Variants in TMEM229B observed in about 807,000 individuals in gnomAD.
TMEM229B encodes the protein chromosome 14 open reading frame 83.
A neutral mutation model predicts 13.7 loss-of-function variants in TMEM229B; 6 were observed. The observed-to-expected ratio is 0.44, with a 90% confidence interval of 0.24 to 0.86. The LOEUF (loss-of-function observed/expected upper bound fraction) is 0.86, where lower values mean the gene tolerates loss of function less well. Among genes scored for constraint, TMEM229B ranks in the 40% least tolerant of loss-of-function variants. The pLI, the probability that TMEM229B is intolerant of heterozygous loss-of-function variation, is 0.23. For synonymous variants in TMEM229B, 107 were observed against 102.1 expected (o/e 1.05, Z -0.29); for missense variants, 170 against 236.0 (o/e 0.72, Z 1.83).
At chr14:67,489,031 G>C (rs144806667), upstream of TMEM229B, among the ~76,000 whole-genome samples, 654 of 152,232 alleles carry the variant, frequency 4.3e-3, 5 homozygotes, top group African/African-American at 0.015. Flanking sequence ...CAGGGGACAG[G>C]GGACATGAGG....
chr14:67,511,252 T>C (rs2033014611), intron 1 of TMEM229B, among the ~76,000 whole-genome samples: 2 of 152,268 alleles, frequency 1.3e-5, no homozygotes, highest in African/African-American at 2.4e-5. Context: ...TGAGGGGCTT[T>C]TGGAAAGCAA....
upstream of TMEM229B, among the ~76,000 whole-genome samples, chr14:67,489,198 A>G (rs1030840568): frequency 6.6e-6 from 1 of 152,152 alleles, no homozygotes; most frequent in Admixed American, 6.5e-5. Context: ...GGTCACCTCT[A>G]TTTTAGAAAT....
intron 2 of TMEM229B, among the ~76,000 whole-genome samples, chr14:67,483,422 G>T (rs1194619877): frequency 1.3e-5 from 2 of 152,208 alleles, no homozygotes; most frequent in African/African-American, 2.4e-5. Flanking sequence ...GAGGCTGACT[G>T]CAGGCTCCTC....
At chr14:67,492,694 G>A (rs922894261), upstream of TMEM229B, among the ~76,000 whole-genome samples, 4 of 152,218 alleles carry the variant, frequency 2.6e-5, no homozygotes, top group Non-Finnish European at 5.9e-5. Flanking sequence ...TTCACAGCCT[G>A]TACAGCCAAG....
At chr14:67,518,530 C>T (rs996915259), upstream of TMEM229B, among the ~76,000 whole-genome samples, 1 of 152,234 alleles carries the variant, frequency 6.6e-6, no homozygotes, top group Admixed American at 6.5e-5. Context: ...TGGTAGTTCT[C>T]TTCACATCTC....
At chr14:67,489,840 A>G (rs569757072), upstream of TMEM229B, among the ~76,000 whole-genome samples, 76 of 152,246 alleles carry the variant, frequency 5.0e-4, no homozygotes, top group African/African-American at 1.8e-3. Flanking sequence ...AGCACAAAAA[A>G]TTAGCCAGGT....
Position 67,470,641 on chromosome 14 carries a change from C to G in TMEM229B, c.*2779G>C, listed in dbSNP as rs1040142132. On this transcript the variant is annotated 3_prime_UTR_variant, in exon 3 of 3. Transcript: ENST00000554480. ...CAGGAGACCCACGCAGAGTGAGGGACCAGGACAAAAGGGCTTCATGGGGAC... is the reference window on the plus strand; with the variant it reads ...CAGGAGACCCACGCAGAGTGAGGGAGCAGGACAAAAGGGCTTCATGGGGAC... 4 of 152,848 alleles carry G rather than the reference C, an allele frequency of 2.6e-5. No homozygotes were observed. The highest frequency in any genetic ancestry group is 9.7e-5 in the African/African-American group (4 of 41,434). 9.5% of individuals were successfully genotyped at this position (152,848 alleles called of 1,614,324 possible).
chr14:67,512,250 C>T (rs986929106), intron 1 of TMEM229B, among the ~76,000 whole-genome samples: 1 of 152,166 alleles, frequency 6.6e-6, no homozygotes, highest in Non-Finnish European at 1.5e-5. Flanking sequence ...AAAAGTGCCC[C>T]CCTCCTACCC....
chr14:67,518,538 C>T (rs1448001634), upstream of TMEM229B, among the ~76,000 whole-genome samples: 1 of 152,222 alleles, frequency 6.6e-6, no homozygotes, highest in Non-Finnish European at 1.5e-5. Flanking sequence ...CTCTTCACAT[C>T]TCTCTTCCAC....
intron 2 of TMEM229B, among the ~76,000 whole-genome samples, chr14:67,478,255 A>C (rs968387667): frequency 6.6e-6 from 1 of 152,158 alleles, no homozygotes; most frequent in African/African-American, 2.4e-5. Flanking sequence ...CTAGCTGTAC[A>C]AGTGTGGTTC....
upstream of TMEM229B, among the ~76,000 whole-genome samples, chr14:67,490,730 C>T (rs115177076): frequency 2.0e-3 from 311 of 152,302 alleles, 2 homozygotes; most frequent in Middle Eastern, 0.01. Context: ...TGGAACCTAA[C>T]ACTGGAGCCA....
intron 1 of TMEM229B, among the ~76,000 whole-genome samples, chr14:67,510,018 T>A (rs1199907121): frequency 2.1e-5 from 2 of 93,582 alleles, no homozygotes; most frequent in African/African-American, 2.9e-5. Flanking sequence ...TCTAAAAAAA[T>A]TTTTTTATTA....
chr14:67,527,447 A>G (rs2033385194), intron 1 of TMEM229B, among the ~76,000 whole-genome samples: 1 of 152,250 alleles, frequency 6.6e-6, no homozygotes, highest in African/African-American at 2.4e-5. Flanking sequence ...TCAAAAAAAA[A>G]GATGATTCCT....
At chr14:67,493,872 G>C (rs1055385335) in intron 1 of TMEM229B, among the ~76,000 whole-genome samples, 1 of 152,028 alleles carries the variant, frequency 6.6e-6, no homozygotes, top group Non-Finnish European at 1.5e-5. Flanking sequence ...GCTCACACAT[G>C]TAATAAACTT....
rs531795314 is a variant in TMEM229B at position 67,499,183 on chromosome 14, T to C, written c.-191-12011A>G. ...ACACCCAGGTAATTTCTTAATTTTT[T>C]TGTAGATATGGGGTCCTGCTATGTT... On this transcript the variant is annotated intron_variant, in intron 1 of 2. Transcript: ENST00000357461. Among the ~76,000 whole-genome samples, 5 of 152,026 alleles carry C rather than the reference T, an allele frequency of 3.3e-5. No individual in the cohort carries two copies. In the East Asian group the frequency reaches 7.7e-4, roughly 24 times the overall value.
At chr14:67,478,962 A>C (rs1220750723) in intron 2 of TMEM229B, among the ~76,000 whole-genome samples, 1 of 152,230 alleles carries the variant, frequency 6.6e-6, no homozygotes, top group Non-Finnish European at 1.5e-5. Context: ...GATTCTGCAA[A>C]GGCATGCATA....
Position 67,472,449 on chromosome 14 carries a change from G to A in TMEM229B, c.*971C>T, listed in dbSNP as rs970665944. On this transcript the variant is annotated 3_prime_UTR_variant, in exon 3 of 3. Coordinates refer to ENST00000554480, the MANE Select transcript of TMEM229B (RefSeq NM_001348543.2). ...GGATCCACAGGGCCTAACCCAGCCT[G>A]CCTGTGCATTGGAGGGCATCATTTG... 2.6e-5 allele frequency: 4 copies of A among 152,396 alleles called. No homozygotes were observed. Among genetic ancestry groups the A allele is most frequent in the Admixed American group, 6.5e-5 (1 of 15,284 alleles). The allele number at this position is 152,396 out of a possible 1,614,324, so 9.4% of individuals were successfully genotyped here.
chr14:67,513,170 G>A (rs1176438750), intron 1 of TMEM229B, among the ~76,000 whole-genome samples: 1 of 152,118 alleles, frequency 6.6e-6, no homozygotes, highest in African/African-American at 2.4e-5. Context: ...ACATGCCACG[G>A]AAAAGCCCAT....
intron 1 of TMEM229B, among the ~76,000 whole-genome samples, chr14:67,494,785 A>G (rs1300690333): frequency 6.6e-6 from 1 of 152,202 alleles, no homozygotes; most frequent in Non-Finnish European, 1.5e-5. Context: ...ACATTTGACA[A>G]GAACCAAGGC....
Sources: allele counts gnomAD v4.1 joint callset (sites outside exome capture counted in the v4.1 genomes callset), GRCh38; gene constraint gnomAD v4.1.1; transcripts MANE v1.5; gene names NCBI Gene and HGNC (gene_info 2026-07-23, HGNC 2026-07-21).